FBRS: variants seen among roughly 807,000 people sequenced by gnomAD.
The protein encoded by FBRS is probable fibrosin-1.
A neutral mutation model predicts 86.1 loss-of-function variants in FBRS; 15 were observed. The observed-to-expected ratio is 0.17, with a 90% CI of 0.12 to 0.27. The LOEUF (loss-of-function observed/expected upper bound fraction) is 0.27, where lower values mean the gene tolerates loss of function less well. Ranked by LOEUF, FBRS falls within the 10% of genes least tolerant of loss-of-function variation. The pLI, the probability that FBRS is intolerant of heterozygous loss-of-function variation, is 1.00. For missense variants in FBRS, 1,367 were observed against 1,301.6 expected (o/e 1.05, Z -0.77); for synonymous variants, 666 against 575.8 (o/e 1.16, Z -2.24).
Position 30,667,188 on chromosome 16 carries a change from A to G in FBRS, c.1876-132A>G. 7 of 925,828 alleles carry G rather than the reference A, an allele frequency of 7.6e-6. 1 individual carries two copies. The South Asian group carries it at 1.1e-4, about 15-fold the overall frequency. 57.4% of individuals were successfully genotyped at this position (925,828 alleles called of 1,614,324 possible). A position where few individuals can be genotyped will look rare whatever the true frequency, so the allele number is the denominator to read the frequency against. ...GGGGCTGCTCAGAGAAGGCTCCGAG[A>G]GAGGCAGAAGATAGGCATCCAGGCC... On this transcript the variant is annotated intron_variant, in intron 13 of 17. Coordinates refer to ENST00000356166, the MANE Select transcript of FBRS (RefSeq NM_001105079.3).
intron 15 of FBRS, 80 bp downstream of exon 15, chr16:30,667,702 T>C (rs2052540174): frequency 1.5e-6 from 2 of 1,300,276 alleles, no homozygotes; most frequent in Non-Finnish European, 1.0e-6. Context: ...AGCAGGCAGC[T>C]GGAATGCAGG....
chr16:30,660,841 T>C (rs1257576966), intron 2 of FBRS, among the ~76,000 whole-genome samples: 1 of 152,146 alleles, frequency 6.6e-6, no homozygotes, highest in Non-Finnish European at 1.5e-5. Flanking sequence ...GAAACCCACA[T>C]GAGGAAGCCG....
Position 30,664,425 on chromosome 16 carries a change from C to CCAGG in FBRS, c.1266_1267insCAGG (p.Leu423GlnfsTer28), listed in dbSNP as rs2052497423. The CCAGG allele has an allele frequency of 2.1e-6, 3 of 1,401,592 alleles. No homozygotes were observed. The highest frequency in any genetic ancestry group is 1.4e-5 in the South Asian group (1 of 69,056). The allele number at this position is 1,401,592 out of a possible 1,614,324, so 86.8% of individuals were successfully genotyped here. A position where few individuals can be genotyped will look rare whatever the true frequency, so the allele number is the denominator to read the frequency against. On this transcript the variant is annotated frameshift_variant, in exon 7 of 18. Transcript: ENST00000356166. LOFTEE classifies it high-confidence loss of function. Reference sequence around the variant, plus strand: ...CCCCCCCACCACCCCACCACCCCTCCTTGTTCTCCCCTGGCCCCACCCTGC... The same window carrying CCAGG: ...CCCCCCCACCACCCCACCACCCCTCCCAGGTTGTTCTCCCCTGGCCCCACCCTGC...
rs1011447274 is a variant in FBRS at position 30,659,089 on chromosome 16, C to G, written c.-430C>G. The stretch of plus-strand genomic sequence containing the variant: ...CTTGAGACACTTTTAAAGGGGAGGT[C>G]TGCGTTTCGGGGCGAGCTTTCGGCC... On this transcript the variant is annotated 5_prime_UTR_variant, in exon 1 of 18. Transcript: ENST00000356166. 6.6e-6 allele frequency: 1 copy of G among 152,218 alleles called. No individual in the cohort carries two copies. Among genetic ancestry groups the G allele is most frequent in the Non-Finnish European group, 1.5e-5 (1 of 68,098 alleles). The allele number at this position is 152,218 out of a possible 1,614,324, so 9.4% of individuals were successfully genotyped here.
intron 11 of FBRS, chr16:30,666,109 C>T (rs1039970883): frequency 2.0e-5 from 8 of 393,110 alleles, no homozygotes; most frequent in Admixed American, 8.4e-5. Context: ...GCTGCGGGAA[C>T]GTTGTGAAAC....
intron 1 of FBRS, 127 bp from the exon 2 acceptor site, chr16:30,660,136 G>A (rs2052439008): frequency 7.0e-7 from 1 of 1,423,436 alleles, no homozygotes; most frequent in Admixed American, 3.0e-5. Flanking sequence ...GGGGTGGGAG[G>A]AGGTAGAGCT....
rs1010742221 is a variant in FBRS at position 30,664,306 on chromosome 16, T to G, written c.1147T>G (p.Ser383Ala). ...TTCGTCCTCCTCCTCCTCATCTGCC[T>G]CCTCCTCGTCCGCGCAGCTCACCCA... ...SSSSSSSSSASSSSAQLTHRP... is the reference protein window; with the variant it reads ...SSSSSSSSSAASSSAQLTHRP... Residue 383 changes from serine to alanine, a missense_variant, in exon 7 of 18, where the codon TCC (serine) becomes GCC (alanine). Ser to Ala is a moderately conservative substitution (Grantham distance 99). This residue lies in a region of FBRS where 702 missense variants were observed against 598.7 expected (regional missense o/e 1.17). Transcript: ENST00000356166. 104 of 1,506,040 alleles carry G rather than the reference T, an allele frequency of 6.9e-5. No homozygotes were observed. The highest frequency in any genetic ancestry group is 8.9e-5 in the Non-Finnish European group (100 of 1,122,738). 93.3% of individuals were successfully genotyped at this position (1,506,040 alleles called of 1,614,324 possible).
At chr16:30,666,771 G>T (rs945309923) in intron 12 of FBRS, 148 bp from the exon 13 acceptor site, 2 of 1,111,948 alleles carry the variant, frequency 1.8e-6, no homozygotes, top group Non-Finnish European at 2.7e-6. Context: ...TTCCTAGGCT[G>T]TAAAATGAAC....
At chr16:30,666,265 G>A in intron 11 of FBRS, 2 of 595,366 alleles carry the variant, frequency 3.4e-6, no homozygotes, top group East Asian at 2.8e-5. Flanking sequence ...TGTCCTGCCT[G>A]CCCCCTCACC....
chr16:30,665,335 C>G lies in FBRS; in HGVS notation c.1638C>G (p.Pro546=). The G allele has an allele frequency of 1.3e-6, 2 of 1,565,696 alleles. No individual in the cohort carries two copies. Among genetic ancestry groups the G allele is most frequent in the South Asian group, 1.2e-5 (1 of 85,388 alleles). Residue 546 remains proline (P), a synonymous_variant, in exon 10 of 18, where the codon CCC becomes CCG. Coordinates refer to ENST00000356166, the MANE Select transcript of FBRS (RefSeq NM_001105079.3). This position sits in a 1 kb window ranked among gnomAD's most constrained non-coding sequence, Gnocchi z 4.1. ...ACACGGCCTTCCCTCCCGCAGTGCC[C>G]GGGCTGCCTCCGGGCCTCCCGCCGG... The part of the protein sequence containing the change: ...NPYTAFPPAV[P]GLPPGLPPAV...
chr16:30,667,514 A>G (rs774077258), intron 14 of FBRS, 28 bp from the exon 15 acceptor site: 1 of 1,521,484 alleles, frequency 6.6e-7, no homozygotes, highest in African/African-American at 1.4e-5. Flanking sequence ...ACTCAGCCTC[A>G]TCAGAATCTC....
chr16:30,659,633 C>A lies in FBRS; in HGVS notation c.115C>A (p.Pro39Thr). ...CCGGGAGCAGCGGCGCCGCCGAGGT[C>A]CAGGCGGCGACGCGCCCCGGGCCCT... ...RDREQRRRRG[P>T]GGDAPRALLA... Residue 39 changes from proline (P) to threonine (T), a missense_variant, in exon 1 of 18, where the codon CCA (proline) becomes ACA (threonine). By Grantham distance (38) the Pro-to-Thr change is conservative. Coordinates refer to ENST00000356166, the MANE Select transcript of FBRS (RefSeq NM_001105079.3). 2.3e-6 allele frequency: 1 copy of A among 426,334 alleles called. No homozygotes were observed. Among genetic ancestry groups the A allele is most frequent in the Non-Finnish European group, 4.0e-6 (1 of 247,372 alleles). 26.4% of individuals were successfully genotyped at this position (426,334 alleles called of 1,614,324 possible). A position where few individuals can be genotyped will look rare whatever the true frequency, so the allele number is the denominator to read the frequency against.
chr16:30,664,425 C>CCCG lies in FBRS; in HGVS notation c.1266_1267insCCG (p.Ser422_Leu423insPro). On this transcript the variant is annotated inframe_insertion, in exon 7 of 18. Coordinates refer to ENST00000356166, the MANE Select transcript of FBRS (RefSeq NM_001105079.3). Reference sequence around the variant, plus strand: ...CCCCCCCACCACCCCACCACCCCTCCTTGTTCTCCCCTGGCCCCACCCTGC... The same window carrying CCCG: ...CCCCCCCACCACCCCACCACCCCTCCCCGTTGTTCTCCCCTGGCCCCACCCTGC... The CCCG allele has an allele frequency of 1.4e-6, 2 of 1,401,606 alleles. No homozygotes were observed. Among genetic ancestry groups the CCCG allele is most frequent in the Non-Finnish European group, 1.9e-6 (2 of 1,054,430 alleles). 86.8% of individuals were successfully genotyped at this position (1,401,606 alleles called of 1,614,324 possible).
At chr16:30,668,246 A>C (rs2052545049) in intron 15 of FBRS, 1 of 345,376 alleles carries the variant, frequency 2.9e-6, no homozygotes, top group Non-Finnish European at 5.3e-6. Flanking sequence ...ACTTCATGTC[A>C]AGGAAGCCCT....
rs185956084 is a variant in FBRS, at chr16:30,664,153, C to A, written c.1056-62C>A. 1.9e-5 allele frequency: 25 copies of A among 1,289,570 alleles called. 1 individual carries two copies. The highest frequency in any genetic ancestry group is 1.6e-4 in the South Asian group (6 of 38,490). 79.9% of individuals were successfully genotyped at this position (1,289,570 alleles called of 1,614,324 possible). On this transcript the variant is annotated intron_variant, in intron 6 of 17. Coordinates refer to ENST00000356166, the MANE Select transcript of FBRS (RefSeq NM_001105079.3). ...GTCACGGTATCACCCAGGCTTCTGA[C>A]CCCCTCCCGTCAGAGCTGGCACCTC...
rs1426350698 is a variant in FBRS at position 30,665,748 on chromosome 16, G to C, written c.1773+42G>C. 5.2e-6 allele frequency: 8 copies of C among 1,542,490 alleles called. No homozygotes were observed. Among genetic ancestry groups the C allele is most frequent in the Non-Finnish European group, 6.2e-6 (7 of 1,137,534 alleles). On this transcript the variant is annotated intron_variant, in intron 11 of 17. Transcript: ENST00000356166. The surrounding 1 kb of genome is among the most constrained non-coding windows in gnomAD (Gnocchi z 4.1). ...AGGTCCTGGGGGAGCTGGAAGGTGT[G>C]TTGCGGGGAGAACAGAACTGACTTG...
rs1297900935 is a variant in FBRS, at chr16:30,664,904, C to T, written c.1547C>T (p.Pro516Leu). ...FTPYPPGLLP[P>L]HGPHMFEKYP... ...CCTTATCCCCCGGGCCTGCTGCCAC[C>T]CCACGGCCCCCACATGGTGAGCTCC... Residue 516 changes from proline to leucine, a missense_variant, in exon 8 of 18, where the codon CCC becomes CTC. By Grantham distance (98) the Pro-to-Leu change is moderately conservative. This residue lies in a region of FBRS where 659 missense variants were observed against 678.8 expected (regional missense o/e 0.97). Coordinates refer to ENST00000356166, the MANE Select transcript of FBRS (RefSeq NM_001105079.3). The T allele has an allele frequency of 6.2e-7, 1 of 1,610,534 alleles. No individual in the cohort carries two copies. Among genetic ancestry groups the T allele is most frequent in the Non-Finnish European group, 8.5e-7 (1 of 1,178,340 alleles).
chr16:30,660,397 T>A lies in FBRS; in HGVS notation c.594T>A (p.Pro198=). The part of the protein sequence containing the change: ...DSSDREPGRP[P]GDRARKWPNK... Reference sequence around the variant, plus strand: ...CTGATCGAGAGCCTGGCCGGCCCCCTGGGGATCGGGCCCGAAAATGGCCCA... The same window carrying A: ...CTGATCGAGAGCCTGGCCGGCCCCCAGGGGATCGGGCCCGAAAATGGCCCA... Residue 198 remains proline, a synonymous_variant, in exon 2 of 18, where the codon CCT becomes CCA. Coordinates refer to ENST00000356166, the MANE Select transcript of FBRS (RefSeq NM_001105079.3). 7.9e-7 allele frequency: 1 copy of A among 1,261,652 alleles called. No homozygotes were observed. The highest frequency in any genetic ancestry group is 1.0e-6 in the Non-Finnish European group (1 of 994,196). The allele number at this position is 1,261,652 out of a possible 1,614,324, so 78.2% of individuals were successfully genotyped here.
Position 30,664,982 on chromosome 16 carries a change from G to C in FBRS, c.1564-53G>C, listed in dbSNP as rs2052504843. On this transcript the variant is annotated intron_variant, in intron 8 of 17. Transcript: ENST00000356166. ...GCCTCTGGGGAGGGCATGGCTTCTG[G>C]GGGAAGGCCCGGGTCCCTGGCTGGC... 10 of 1,609,442 alleles carry C rather than the reference G, an allele frequency of 6.2e-6. 1 individual carries two copies. Among genetic ancestry groups the C allele is most frequent in the Non-Finnish European group, 8.5e-6 (10 of 1,177,846 alleles).
Sources: allele counts gnomAD v4.1 joint callset (sites outside exome capture counted in the v4.1 genomes callset), GRCh38; gene constraint gnomAD v4.1.1; regional missense constraint gnomAD v4.1.1; non-coding constraint Gnocchi (gnomAD v3.1); transcripts MANE v1.5; gene names NCBI Gene and HGNC (gene_info 2026-07-23, HGNC 2026-07-21).